SLC30A3: variants seen among roughly 807,000 people sequenced by gnomAD.
SLC30A3 encodes the protein probable proton-coupled zinc antiporter SLC30A3.
Under a neutral mutation model 35.6 loss-of-function variants are expected in SLC30A3, and 20 were observed. The ratio of observed to expected loss-of-function variants is 0.56; its 90% CI spans 0.39 to 0.82. The LOEUF (loss-of-function observed/expected upper bound fraction) is 0.82. Among genes scored for constraint, SLC30A3 ranks in the 40% least tolerant of loss-of-function variants. The pLI, the probability that SLC30A3 is intolerant of heterozygous loss-of-function variation, is 0.00. For missense variants in SLC30A3, 401 were observed against 530.6 expected (o/e 0.76, Z 2.40); for synonymous variants, 217 against 224.7 (o/e 0.97, Z 0.31).
chr2:27,258,643 G>C lies in SLC30A3; in HGVS notation c.277+110C>G, dbSNP rs1337859072. ...CTGGGCACCCAGCTCCCCTATCCCA[G>C]CCATCCCCATCTCTGCATCTGCACC... is the stretch of plus-strand genomic sequence containing the variant. On this transcript the variant is annotated intron_variant, in intron 2 of 7. Transcript: ENST00000233535. This position sits in a 1 kb window ranked among gnomAD's most constrained non-coding sequence, Gnocchi z 4.0. The C allele has an allele frequency of 8.2e-7, 1 of 1,221,978 alleles. No homozygotes were observed. The highest frequency in any genetic ancestry group is 1.5e-5 in the African/African-American group (1 of 66,718). The allele number at this position is 1,221,978 out of a possible 1,614,324, so 75.7% of individuals were successfully genotyped here. A position where few individuals can be genotyped will look rare whatever the true frequency, so the allele number is the denominator to read the frequency against.
upstream of SLC30A3, chr2:27,275,404 G>C (rs544090031): frequency 2.6e-6 from 1 of 382,354 alleles, no homozygotes; most frequent in African/African-American, 2.1e-5. Flanking sequence ...TCCCCACCCA[G>C]TGCTTCCGGG....
In SLC30A3 at chr2:27,257,111, G is replaced by A. The variant is rs1043981203; in HGVS notation, c.777+43C>T. The A allele has an allele frequency of 1.3e-5, 20 of 1,582,670 alleles. No individual in the cohort carries two copies. The highest frequency in any genetic ancestry group is 1.7e-5 in the Non-Finnish European group (20 of 1,151,862). On this transcript the variant is annotated intron_variant, in intron 5 of 7. Coordinates refer to ENST00000233535, the MANE Select transcript of SLC30A3 (RefSeq NM_003459.5). This position sits in a 1 kb window ranked among gnomAD's most constrained non-coding sequence, Gnocchi z 4.7. Reference sequence around the variant, plus strand: ...CCTGGGAAGGAGTGGGCTGGGATGTGGTTGTGGGGAGGAAGGCTGGGGCAG... The same window carrying A: ...CCTGGGAAGGAGTGGGCTGGGATGTAGTTGTGGGGAGGAAGGCTGGGGCAG...
rs1676721774 is a variant in SLC30A3, at chr2:27,254,322, T to G, written c.*990A>C. The stretch of plus-strand genomic sequence containing the variant: ...CTTGGCTCCTTACCTTCCAGCATTC[T>G]CCTGCAACCAAGCCCAGGGCACATG... On this transcript the variant is annotated 3_prime_UTR_variant, in exon 8 of 8. Coordinates refer to ENST00000233535, the MANE Select transcript of SLC30A3 (RefSeq NM_003459.5). 1 of 152,192 alleles carries G rather than the reference T, an allele frequency of 6.6e-6. No individual in the cohort carries two copies. The highest frequency in any genetic ancestry group is 1.5e-5 in the Non-Finnish European group (1 of 68,076). 9.4% of individuals were successfully genotyped at this position (152,192 alleles called of 1,614,324 possible). A position where few individuals can be genotyped will look rare whatever the true frequency, so the allele number is the denominator to read the frequency against.
At chr2:27,269,208 CTT>C (rs368309600) in intron 1 of SLC30A3, among the ~76,000 whole-genome samples, 11,823 of 127,732 alleles carry the variant, frequency 0.093, 1,375 homozygotes, top group African/African-American at 0.29. Flanking sequence ...CTTTTTCTTT[CTT>C]TTTTTTTTTT....
At chr2:27,263,420 A>G (rs868065277), upstream of SLC30A3, 3 of 437,046 alleles carry the variant, frequency 6.9e-6, no homozygotes, top group Middle Eastern at 1.0e-3. Flanking sequence ...CTGTGGCCGC[A>G]ACCCTCACGC....
At chr2:27,272,115 C>A (rs1369705666) in intron 1 of SLC30A3, among the ~76,000 whole-genome samples, 1 of 152,198 alleles carries the variant, frequency 6.6e-6, no homozygotes, top group Non-Finnish European at 1.5e-5. Flanking sequence ...TTCAACCAAC[C>A]AACATTTACT....
upstream of SLC30A3, among the ~76,000 whole-genome samples, chr2:27,263,727 G>C (rs6759518): frequency 0.055 from 8,129 of 149,040 alleles, 252 homozygotes; most frequent in African/African-American, 0.08. Flanking sequence ...TGCAGGCTGT[G>C]AATAAAGGGC....
chr2:27,263,780 G>A (rs560367395), upstream of SLC30A3, among the ~76,000 whole-genome samples: 1 of 144,828 alleles, frequency 6.9e-6, no homozygotes, highest in Non-Finnish European at 1.5e-5. Flanking sequence ...GGCTCTGGAC[G>A]CCGCACTGGC....
At chr2:27,256,991 A>C in intron 5 of SLC30A3, 98 bp from the exon 6 acceptor site, 1 of 1,124,762 alleles carries the variant, frequency 8.9e-7, no homozygotes. Context: ...GCCCCTCAAA[A>C]CCCTGAAGAG....
chr2:27,272,907 C>T (rs1449396306), intron 1 of SLC30A3, among the ~76,000 whole-genome samples: 15 of 151,466 alleles, frequency 9.9e-5, no homozygotes, highest in Non-Finnish European at 1.9e-4. Flanking sequence ...TGAAAATTAG[C>T]TGGGCATGCT....
intron 1 of SLC30A3, among the ~76,000 whole-genome samples, chr2:27,259,710 A>T (rs1000408464): frequency 6.6e-6 from 1 of 152,190 alleles, no homozygotes; most frequent in Non-Finnish European, 1.5e-5. Context: ...GTTGGGGGAC[A>T]CATGGAGGCC....
At chr2:27,263,699 A>T (rs979650143), upstream of SLC30A3, among the ~76,000 whole-genome samples, 1 of 150,166 alleles carries the variant, frequency 6.7e-6, no homozygotes, top group Non-Finnish European at 1.5e-5. Flanking sequence ...GACCCAGAGG[A>T]AGAAGAGTCC....
At chr2:27,260,490 A>G (rs570254152) in intron 1 of SLC30A3, among the ~76,000 whole-genome samples, 2 of 152,280 alleles carry the variant, frequency 1.3e-5, no homozygotes, top group Admixed American at 6.5e-5. Context: ...TTCTGGTCCA[A>G]TTCTCAGCCC....
At chr2:27,256,595 C>A in intron 6 of SLC30A3, 75 bp from the exon 7 acceptor site, 1 of 1,588,100 alleles carries the variant, frequency 6.3e-7, no homozygotes, top group East Asian at 2.2e-5. Context: ...CACTGGATTC[C>A]ACCTCCCCTA....
At chr2:27,259,925 C>A (rs746700428) in intron 1 of SLC30A3, among the ~76,000 whole-genome samples, 2 of 152,038 alleles carry the variant, frequency 1.3e-5, no homozygotes, top group African/African-American at 4.8e-5. Context: ...GAGGGCCAGA[C>A]TAATTATAAC....
At position 27,258,941 on chromosome 2, in the gene SLC30A3, C is replaced by A. The variant is rs1677029772; in HGVS notation, c.96-7G>T. The A allele has an allele frequency of 6.3e-7, 1 of 1,576,824 alleles. No homozygotes were observed. Among genetic ancestry groups the A allele is most frequent in the Non-Finnish European group, 8.6e-7 (1 of 1,161,772 alleles). On this transcript the variant is annotated splice_region_variant and splice_polypyrimidine_tract_variant and intron_variant, in intron 1 of 7. Coordinates refer to ENST00000233535, the MANE Select transcript of SLC30A3 (RefSeq NM_003459.5). This position sits in a 1 kb window ranked among gnomAD's most constrained non-coding sequence, Gnocchi z 4.0. ...TGAGGGCTCTGTGAAGAGACTGAGG[C>A]AAGCAACATGGTTCAACCTGGGCCT...
intron 1 of SLC30A3, among the ~76,000 whole-genome samples, chr2:27,260,861 C>A (rs546209711): frequency 6.6e-6 from 1 of 152,082 alleles, no homozygotes; most frequent in South Asian, 2.1e-4. Context: ...GAGGAGATGG[C>A]GTGGTGAAGG....
upstream of SLC30A3, chr2:27,263,165 C>G: frequency 1.6e-6 from 2 of 1,242,176 alleles, no homozygotes; most frequent in Non-Finnish European, 2.1e-6. Context: ...TTAAGCCCCG[C>G]CCCCACTGCC....
At position 27,257,449 on chromosome 2, in the gene SLC30A3, C is replaced by A. The variant is rs1403227976; in HGVS notation, c.579-97G>T. The stretch of plus-strand genomic sequence containing the variant: ...ACCTCCCCAGTAGCCCTTTCCCAGC[C>A]CCTGGAAGAAAACAGCATTTTGCAA... On this transcript the variant is annotated intron_variant, in intron 4 of 7. Transcript: ENST00000233535. This position sits in a 1 kb window ranked among gnomAD's most constrained non-coding sequence, Gnocchi z 4.7. The A allele has an allele frequency of 4.2e-6, 5 of 1,202,810 alleles. No individual in the cohort carries two copies. Among genetic ancestry groups the A allele is most frequent in the Non-Finnish European group, 5.9e-6 (5 of 844,204 alleles). 74.5% of individuals were successfully genotyped at this position (1,202,810 alleles called of 1,614,324 possible).
Sources: allele counts gnomAD v4.1 joint callset (sites outside exome capture counted in the v4.1 genomes callset), GRCh38; gene constraint gnomAD v4.1.1; non-coding constraint Gnocchi (gnomAD v3.1); transcripts MANE v1.5; gene names NCBI Gene and HGNC (gene_info 2026-07-23, HGNC 2026-07-21).